ARHGAP32: variants seen among roughly 807,000 people sequenced by gnomAD.
ARHGAP32 encodes the protein Rho GTPase activating protein 32, also known as rho GTPase-activating protein 32.
In ARHGAP32, 51 loss-of-function variants were observed where a neutral mutation model predicts 186.5. The observed-to-expected ratio is 0.27, with a 90% CI of 0.22 to 0.35. The LOEUF (loss-of-function observed/expected upper bound fraction) is 0.35, where lower values mean the gene tolerates loss of function less well. Ranked by LOEUF, ARHGAP32 falls within the 10% of genes least tolerant of loss-of-function variation. The pLI, the probability that ARHGAP32 is intolerant of heterozygous loss-of-function variation, is 1.00. For synonymous variants in ARHGAP32, 950 were observed against 964.3 expected (o/e 0.99, Z 0.27); for missense variants, 2,186 against 2,623.5 (o/e 0.83, Z 3.64).
chr11:128,979,469 C>A (rs1945649847), intron 18 of ARHGAP32, among the ~76,000 whole-genome samples: 1 of 152,164 alleles, frequency 6.6e-6, no homozygotes, highest in African/African-American at 2.4e-5. Flanking sequence ...CAAATAACTT[C>A]TTTAACATTA....
intron 8 of ARHGAP32, 91 bp downstream of exon 8, chr11:129,064,750 G>T: frequency 1.1e-6 from 1 of 952,176 alleles, no homozygotes; most frequent in Non-Finnish European, 1.6e-6. Context: ...GATTCCTGAA[G>T]CTCAATAGAC....
intron 1 of ARHGAP32, among the ~76,000 whole-genome samples, chr11:129,222,976 T>C (rs1470411618): frequency 6.6e-6 from 1 of 152,198 alleles, no homozygotes; most frequent in Non-Finnish European, 1.5e-5. Context: ...TATATATTGT[T>C]TTAAATTTCT....
At chr11:129,205,354 C>T (rs1944503168) in intron 1 of ARHGAP32, among the ~76,000 whole-genome samples, 1 of 152,102 alleles carries the variant, frequency 6.6e-6, no homozygotes, top group Non-Finnish European at 1.5e-5. Context: ...TACTGATATA[C>T]AATTCATTAA....
intron 6 of ARHGAP32, among the ~76,000 whole-genome samples, chr11:129,093,408 G>A (rs1941636683): frequency 6.6e-6 from 1 of 152,076 alleles, no homozygotes; most frequent in East Asian, 1.9e-4. Context: ...TACATTCCAT[G>A]TAGTATTGTA....
intron 1 of ARHGAP32, among the ~76,000 whole-genome samples, chr11:129,277,907 T>C (rs373039885): frequency 9.2e-5 from 14 of 152,312 alleles, no homozygotes; most frequent in African/African-American, 2.9e-4. Context: ...GGAACAAATA[T>C]CGATTCTCAG....
At chr11:129,005,441 C>T (rs1316032754) in intron 11 of ARHGAP32, among the ~76,000 whole-genome samples, 4 of 152,088 alleles carry the variant, frequency 2.6e-5, no homozygotes, top group African/African-American at 9.7e-5. Flanking sequence ...GACAGGTCTA[C>T]AAGCTGAAAT....
Position 129,099,397 on chromosome 11 carries a change from T to C in ARHGAP32, c.445-5690A>G, listed in dbSNP as rs1029286950. Among the ~76,000 whole-genome samples the C allele has an allele frequency of 3.9e-5, 6 of 152,158 alleles. No individual in the cohort carries two copies. In the South Asian group the frequency reaches 6.2e-4, roughly 16 times the overall value. ...GAACCAGTTTGTAGCCTAGAAGCAATAGGCTACACCAGATAGCTTGGGTGT... is the reference window on the plus strand; with the variant it reads ...GAACCAGTTTGTAGCCTAGAAGCAACAGGCTACACCAGATAGCTTGGGTGT... On this transcript the variant is annotated intron_variant, in intron 5 of 22. Coordinates refer to ENST00000682385, the MANE Select transcript of ARHGAP32 (RefSeq NM_001378024.1).
chr11:129,103,929 C>A (rs1043718724), intron 5 of ARHGAP32, among the ~76,000 whole-genome samples: 1 of 151,888 alleles, frequency 6.6e-6, no homozygotes, highest in Admixed American at 6.6e-5. Context: ...TAGACAAAAA[C>A]CCAGAACTGC....
chr11:129,058,198 C>T (rs71471485), intron 10 of ARHGAP32, among the ~76,000 whole-genome samples: 26,697 of 115,134 alleles, frequency 0.23, 2,520 homozygotes, highest in Non-Finnish European at 0.27. Context: ...TACACACACA[C>T]ACACACACAC....
intron 5 of ARHGAP32, among the ~76,000 whole-genome samples, chr11:129,117,936 G>A (rs1050086676): frequency 2.0e-5 from 3 of 151,890 alleles, no homozygotes; most frequent in Admixed American, 6.6e-5. Flanking sequence ...TAATACAACA[G>A]GGAAAATAAG....
chr11:129,060,387 T>C (rs916752973), intron 10 of ARHGAP32, among the ~76,000 whole-genome samples: 64 of 143,200 alleles, frequency 4.5e-4, no homozygotes, highest in Non-Finnish European at 7.2e-4. Context: ...ATAGATAAGA[T>C]AGACAGACAG....
At chr11:128,987,322 A>C (rs1466097159) in intron 13 of ARHGAP32, among the ~76,000 whole-genome samples, 2 of 152,208 alleles carry the variant, frequency 1.3e-5, no homozygotes, top group African/African-American at 4.8e-5. Context: ...TGTGTGTACA[A>C]TATGAGATTT....
intron 11 of ARHGAP32, among the ~76,000 whole-genome samples, chr11:129,033,005 T>G (rs905929581): frequency 2.0e-5 from 3 of 152,244 alleles, no homozygotes; most frequent in African/African-American, 7.2e-5. Context: ...ACTCTTAGGA[T>G]TTTGAACTCT....
At chr11:129,239,131 T>C (rs192482702) in intron 1 of ARHGAP32, among the ~76,000 whole-genome samples, 136 of 152,354 alleles carry the variant, frequency 8.9e-4, no homozygotes, top group African/African-American at 3.2e-3. Context: ...ATTACAAGTG[T>C]GAACCACTAT....
intron 20 of ARHGAP32, among the ~76,000 whole-genome samples, chr11:128,975,380 A>G (rs1945511971): frequency 6.6e-6 from 1 of 152,188 alleles, no homozygotes; most frequent in African/African-American, 2.4e-5. Flanking sequence ...TATGAGGTGG[A>G]ATTAATCACT....
upstream of ARHGAP32, among the ~76,000 whole-genome samples, chr11:129,194,301 G>T (rs979612890): frequency 3.0e-4 from 45 of 152,220 alleles, no homozygotes; most frequent in African/African-American, 8.2e-4. Flanking sequence ...ATTCATTCTG[G>T]TAGACATTAT....
chr11:129,235,701 C>G (rs1944919911), intron 1 of ARHGAP32, among the ~76,000 whole-genome samples: 1 of 152,052 alleles, frequency 6.6e-6, no homozygotes, highest in South Asian at 2.1e-4. Flanking sequence ...TATCTCTCCC[C>G]CTTCCCCACT....
At chr11:129,133,075 G>C (rs543444442) in intron 2 of ARHGAP32, among the ~76,000 whole-genome samples, 11 of 152,216 alleles carry the variant, frequency 7.2e-5, no homozygotes, top group Admixed American at 6.5e-4. Flanking sequence ...CAATCACAGC[G>C]GAAGGCAAAG....
intron 3 of ARHGAP32, among the ~76,000 whole-genome samples, chr11:129,124,238 A>G (rs916325942): frequency 6.6e-6 from 1 of 152,156 alleles, no homozygotes; most frequent in Non-Finnish European, 1.5e-5. Context: ...GTTATACAAC[A>G]TTTTAAATAA....
Sources: allele counts gnomAD v4.1 joint callset (sites outside exome capture counted in the v4.1 genomes callset), GRCh38; gene constraint gnomAD v4.1.1; transcripts MANE v1.5; gene names NCBI Gene and HGNC (gene_info 2026-07-23, HGNC 2026-07-21).